PIK3C2B: variants seen among roughly 807,000 people sequenced by gnomAD.
PIK3C2B encodes phosphatidylinositol-4-phosphate 3-kinase catalytic subunit type 2 beta, also known as phosphatidylinositol 4-phosphate 3-kinase C2 domain-containing subunit beta.
PIK3C2B carries 83 observed loss-of-function variants against 184.3 expected under a neutral mutation model. The observed-to-expected ratio is 0.45, with a 90% CI of 0.38 to 0.54. The LOEUF (loss-of-function observed/expected upper bound fraction) is 0.54. Ranked by LOEUF, PIK3C2B falls within the 20% of genes least tolerant of loss-of-function variation. The pLI, the probability that PIK3C2B is intolerant of heterozygous loss-of-function variation, is 0.00. For missense variants in PIK3C2B, 1,736 were observed against 2,113.5 expected (o/e 0.82, Z 3.50); for synonymous variants, 779 against 837.6 (o/e 0.93, Z 1.21).
intron 20 of PIK3C2B, among the ~76,000 whole-genome samples, chr1:204,441,818 C>A (rs1675678622): frequency 6.6e-6 from 1 of 152,224 alleles, no homozygotes; most frequent in South Asian, 2.1e-4. Flanking sequence ...ATTCTGCGCA[C>A]AACTTACTAG....
intron 31 of PIK3C2B, among the ~76,000 whole-genome samples, chr1:204,426,322 C>G (rs573917730): frequency 6.6e-6 from 1 of 152,266 alleles, no homozygotes; most frequent in Non-Finnish European, 1.5e-5. Flanking sequence ...CTCGACTTTG[C>G]TCCATCGGCT....
chr1:204,429,933 A>G lies in PIK3C2B; in HGVS notation c.4386T>C (p.Pro1462=), dbSNP rs2271419. 154,998 of 1,606,238 alleles carry G rather than the reference A, an allele frequency of 0.096. 9,005 individuals are homozygous for G. Among genetic ancestry groups the G allele is most frequent in the African/African-American group, 0.26 (19,726 of 74,668 alleles). ...CAAGCCCACCCACCTCGGCCACCTCAGGGGGTGCGTGGATCAAGTGCCAGA... is the reference window on the plus strand; with the variant it reads ...CAAGCCCACCCACCTCGGCCACCTCGGGGGGTGCGTGGATCAAGTGCCAGA... ...GYIWHLIHAP[P]EVAECDLVYT... The change falls in exon 29 of 33, where the codon CCT becomes CCC. Residue 1462 remains proline, a synonymous_variant. Transcript: ENST00000684373.
At chr1:204,486,185 C>A (rs1397331462) in intron 1 of PIK3C2B, among the ~76,000 whole-genome samples, 3 of 151,448 alleles carry the variant, frequency 2.0e-5, no homozygotes, top group African/African-American at 7.3e-5. Context: ...CACCAGAGGT[C>A]GGGAATTCCA....
At chr1:204,458,737 G>A (rs962426429) in intron 8 of PIK3C2B, among the ~76,000 whole-genome samples, 15 of 151,840 alleles carry the variant, frequency 9.9e-5, no homozygotes, top group South Asian at 4.2e-4. Flanking sequence ...CAGGTGACCC[G>A]CCCACCTCAG....
rs1030958158 is a variant in PIK3C2B at position 204,452,286 on chromosome 1, C to G, written c.2067-2269G>C. Among the ~76,000 whole-genome samples, 78 of 56,940 alleles carry G rather than the reference C, an allele frequency of 1.4e-3. 1 individual carries two copies. Among genetic ancestry groups the G allele is most frequent in the African/African-American group, 1.2e-3 (27 of 23,100 alleles). The allele number at this position is 56,940 out of a possible 152,430, so 37.4% of individuals were successfully genotyped here. On this transcript the variant is annotated intron_variant, in intron 12 of 32. Coordinates refer to ENST00000684373, the MANE Select transcript of PIK3C2B (RefSeq NM_001377334.1). ...TCCTGGGCCAGAACACTGTGCAGCA[C>G]CCTTTTTTTTTTTTTTTTTTTTTTT...
chr1:204,439,154 C>A (rs1332448850), intron 22 of PIK3C2B, 83 bp from the exon 23 acceptor site: 7 of 1,399,208 alleles, frequency 5.0e-6, no homozygotes, highest in Non-Finnish European at 6.9e-6. Context: ...TGTGCTCATG[C>A]TTCCCTATAA....
intron 1 of PIK3C2B, among the ~76,000 whole-genome samples, chr1:204,480,108 AG>A: frequency 6.6e-6 from 1 of 152,314 alleles, no homozygotes; most frequent in East Asian, 1.9e-4. Flanking sequence ...CCCCATTCCA[AG>A]GGGATGAGGA....
At chr1:204,493,482 A>AT (rs71145094) in intron 1 of PIK3C2B, among the ~76,000 whole-genome samples, 141,437 of 151,370 alleles carry the variant, frequency 0.93, 66,854 homozygotes, top group East Asian at 1. Flanking sequence ...GCGGGTGGAG[A>AT]GGAGAAAAGG....
intron 1 of PIK3C2B, among the ~76,000 whole-genome samples, chr1:204,485,032 T>C (rs887986180): frequency 2.1e-4 from 31 of 150,536 alleles, no homozygotes; most frequent in Middle Eastern, 6.9e-3. Context: ...CTATAACCAG[T>C]CTTCCAGTCT....
chr1:204,465,524 G>T (rs1655687470), intron 2 of PIK3C2B, among the ~76,000 whole-genome samples: 1 of 152,244 alleles, frequency 6.6e-6, no homozygotes, highest in Admixed American at 6.5e-5. Flanking sequence ...TGAAGAAGGA[G>T]GCGAAGCTCT....
chr1:204,472,650 C>T (rs1193419497), intron 1 of PIK3C2B, among the ~76,000 whole-genome samples: 3 of 152,028 alleles, frequency 2.0e-5, no homozygotes, highest in African/African-American at 7.2e-5. Flanking sequence ...CGTGGTGGCA[C>T]ACGTCTATAA....
intron 28 of PIK3C2B, 26 bp downstream of exon 28, chr1:204,431,643 G>A (rs368072683): frequency 6.2e-7 from 1 of 1,613,412 alleles, no homozygotes; most frequent in East Asian, 2.2e-5. Context: ...ACATCCCTCT[G>A]TGCAGATAGT....
chr1:204,469,981 G>A (rs908519642), intron 1 of PIK3C2B, 95 bp from the exon 2 acceptor site: 1 of 593,132 alleles, frequency 1.7e-6, no homozygotes, highest in Middle Eastern at 4.5e-4. Context: ...CTGGGCCAGT[G>A]CCTGCTTCTT....
intron 2 of PIK3C2B, among the ~76,000 whole-genome samples, chr1:204,465,975 C>T (rs539197067): frequency 1.3e-5 from 2 of 152,338 alleles, no homozygotes; most frequent in South Asian, 2.1e-4. Context: ...TCTGAACGGC[C>T]GGAATGTCAG....
chr1:204,455,021 CTTG>C (rs1444501864), intron 11 of PIK3C2B, among the ~76,000 whole-genome samples: 4 of 152,230 alleles, frequency 2.6e-5, no homozygotes, highest in Admixed American at 6.5e-5. Flanking sequence ...CATTCTGAGC[CTTG>C]TTGTTTTTCT....
intron 23 of PIK3C2B, among the ~76,000 whole-genome samples, chr1:204,436,935 G>A (rs1675377129): frequency 6.6e-6 from 1 of 152,190 alleles, no homozygotes; most frequent in Non-Finnish European, 1.5e-5. Flanking sequence ...GAGTGGCAGA[G>A]TTTTGAGGAA....
At chr1:204,470,523 A>G (rs964843272) in intron 1 of PIK3C2B, among the ~76,000 whole-genome samples, 12 of 152,254 alleles carry the variant, frequency 7.9e-5, no homozygotes, top group Non-Finnish European at 1.5e-4. Context: ...TTCTCCAGTC[A>G]ATTTGAAGAG....
intron 23 of PIK3C2B, among the ~76,000 whole-genome samples, chr1:204,437,693 T>C (rs764038044): frequency 1.4e-4 from 21 of 151,814 alleles, no homozygotes; most frequent in African/African-American, 3.1e-4. Flanking sequence ...AGAAGTGAGA[T>C]AGAGGGAAGC....
rs548079445 is a variant in PIK3C2B, at chr1:204,447,669, G to A, written c.2347-91C>T. 3.7e-5 allele frequency: 33 copies of A among 881,506 alleles called. No individual in the cohort carries two copies. The highest frequency in any genetic ancestry group is 5.6e-5 in the Non-Finnish European group (31 of 553,846). 54.6% of individuals were successfully genotyped at this position (881,506 alleles called of 1,614,324 possible). A position where few individuals can be genotyped will look rare whatever the true frequency, so the allele number is the denominator to read the frequency against. On this transcript the variant is annotated intron_variant, in intron 14 of 32. Transcript: ENST00000684373. The surrounding 1 kb of genome is among the most constrained non-coding windows in gnomAD (Gnocchi z 4.1). Reference sequence around the variant, plus strand: ...TCTCTCACCCCAGCATTCCGGCCTTGTCCCTCCCTCACTTTCCCTCAGGTT... The same window carrying A: ...TCTCTCACCCCAGCATTCCGGCCTTATCCCTCCCTCACTTTCCCTCAGGTT...
Sources: gnomAD v4.1 joint callset for allele counts (sites outside exome capture counted in the v4.1 genomes callset) on GRCh38, gnomAD v4.1.1 for gene constraint, Gnocchi (gnomAD v3.1) non-coding constraint, MANE v1.5 for transcripts, NCBI Gene and HGNC (gene_info 2026-07-23, HGNC 2026-07-21) for gene names.